The following NEBL variants were observed in gnomAD, a reference collection of about 807,000 sequenced individuals.
The protein encoded by NEBL is nebulette.
A neutral mutation model predicts 140.2 loss-of-function variants in NEBL; 122 were observed. That is an observed-to-expected ratio of 0.87 (90% confidence interval 0.75 to 1.01). The LOEUF (loss-of-function observed/expected upper bound fraction) is 1.01. Among genes scored for constraint, NEBL ranks in the 50% least tolerant of loss-of-function variants. NEBL has a pLI of 0.00. For synonymous variants in NEBL, 436 were observed against 398.9 expected, an observed-to-expected ratio of 1.09 and a Z score of -1.11; for missense variants, 1,365 against 1,231.3, an observed-to-expected ratio of 1.11 and a Z score of -1.62.
Position 20,850,455 on chromosome 10 carries a change from A to G in NEBL, c.1056T>C (p.Leu352=), listed in dbSNP as rs1842396806. 1 of 1,612,398 alleles carries G rather than the reference A, an allele frequency of 6.2e-7. No homozygotes were observed. Among genetic ancestry groups the G allele is most frequent in the African/African-American group, 1.3e-5 (1 of 75,016 alleles). Residue 352 remains leucine (L), a synonymous_variant, in exon 11 of 28, where the codon CTT becomes CTC. Coordinates refer to ENST00000377122, the MANE Select transcript of NEBL (RefSeq NM_006393.3). ...GATATGATGGTGTCTCAACAAATTC[A>G]AGCATTGGCTTTCCCTTATTTTTCT... is the stretch of plus-strand genomic sequence containing the variant. ...EYEKNKGKPM[L]EFVETPSYQA...
intron 2 of NEBL, among the ~76,000 whole-genome samples, chr10:21,127,248 C>T (rs999557338): frequency 1.3e-4 from 19 of 151,986 alleles, no homozygotes; most frequent in South Asian, 6.2e-4. Flanking sequence ...TTTTTCTTTT[C>T]AAACTATATT....
intron 10 of NEBL, 43 bp downstream of exon 10, chr10:20,852,502 G>A (rs1842643759): frequency 1.4e-6 from 2 of 1,392,826 alleles, no homozygotes; most frequent in Non-Finnish European, 1.0e-6. Flanking sequence ...ATGGTTACGG[G>A]TTGCTGGCAG....
chr10:20,963,006 AC>A (rs1564463992), intron 3 of NEBL, among the ~76,000 whole-genome samples: 6 of 14,078 alleles, frequency 4.3e-4, no homozygotes, highest in South Asian at 6.5e-3. Context: ...AAAGAAAAAC[AC>A]ACACACACAC....
chr10:21,262,725 A>G (rs548096604), intron 1 of NEBL, among the ~76,000 whole-genome samples: 108 of 152,246 alleles, frequency 7.1e-4, no homozygotes, highest in Admixed American at 4.5e-3. Context: ...TCCGGCCCCA[A>G]GGCTGGGGCT....
chr10:20,924,414 A>G (rs1010666037), intron 4 of NEBL, among the ~76,000 whole-genome samples: 9 of 24,878 alleles, frequency 3.6e-4, no homozygotes, highest in Non-Finnish European at 6.7e-4. Context: ...GGCATGAAGT[A>G]AAAAAAAAAA....
In NEBL at chr10:21,100,997, T is replaced by C. The variant is rs537302753; in HGVS notation, c.164+71386A>G. Among the ~76,000 whole-genome samples the C allele has an allele frequency of 3.3e-5, 5 of 152,316 alleles. No homozygotes were observed. The East Asian group carries it at 9.7e-4, about 29-fold the overall frequency. On this transcript the variant is annotated intron_variant, in intron 2 of 6. Coordinates refer to the NEBL transcript ENST00000417816. ...CTTTCACGGGAACATTTTGTGGCTT[T>C]TTTTGGAAGGAAATACTCACCAGAA...
chr10:21,073,389 G>T (rs2131910437), intron 2 of NEBL, among the ~76,000 whole-genome samples: 1 of 151,704 alleles, frequency 6.6e-6, no homozygotes, highest in South Asian at 2.1e-4. Flanking sequence ...GGCCAAGGCA[G>T]GTGGATCACT....
At position 20,867,313 on chromosome 10, in the gene NEBL, T is replaced by C. The variant is rs184026492; in HGVS notation, c.684+1351A>G. On this transcript the variant is annotated intron_variant, in intron 7 of 27. Coordinates refer to ENST00000377122, the MANE Select transcript of NEBL (RefSeq NM_006393.3). ...CCAACAGAATAGTACGTCTTTTCATTTGTTCGGGACTTATTTTATGCTCTT... is the reference window on the plus strand; with the variant it reads ...CCAACAGAATAGTACGTCTTTTCATCTGTTCGGGACTTATTTTATGCTCTT... Among the ~76,000 whole-genome samples, 12 of 152,282 alleles carry C rather than the reference T, an allele frequency of 7.9e-5. No individual in the cohort carries two copies. In the East Asian group the frequency reaches 2.1e-3, roughly 27 times the overall value.
intron 4 of NEBL, among the ~76,000 whole-genome samples, chr10:20,953,953 A>C (rs1263246668): frequency 6.6e-6 from 1 of 150,774 alleles, no homozygotes; most frequent in Non-Finnish European, 1.5e-5. Context: ...TTGCTCCACT[A>C]TGGCAGATAT....
chr10:21,064,362 T>C (rs1835437521), intron 2 of NEBL, among the ~76,000 whole-genome samples: 2 of 152,202 alleles, frequency 1.3e-5, no homozygotes, highest in Non-Finnish European at 2.9e-5. Flanking sequence ...TTTTATCTAG[T>C]GAGGGTGTTG....
chr10:21,097,615 A>G (rs1191363663), intron 2 of NEBL, among the ~76,000 whole-genome samples: 2 of 152,178 alleles, frequency 1.3e-5, no homozygotes, highest in African/African-American at 4.8e-5. Flanking sequence ...TTACATCATT[A>G]CCCACAAAAG....
intron 3 of NEBL, among the ~76,000 whole-genome samples, chr10:21,009,990 C>A (rs1235198497): frequency 1.3e-5 from 2 of 152,102 alleles, no homozygotes; most frequent in African/African-American, 4.8e-5. Flanking sequence ...TTTCTGAATT[C>A]TATATTGTCC....
chr10:21,099,105 C>T (rs1012229082), intron 2 of NEBL, among the ~76,000 whole-genome samples: 1 of 152,196 alleles, frequency 6.6e-6, no homozygotes, highest in Non-Finnish European at 1.5e-5. Flanking sequence ...TGCACTCCAG[C>T]CTGGGTAACA....
intron 4 of NEBL, among the ~76,000 whole-genome samples, chr10:20,915,253 T>G (rs1251941451): frequency 6.6e-6 from 1 of 152,068 alleles, no homozygotes; most frequent in Non-Finnish European, 1.5e-5. Context: ...TTGAAATTTT[T>G]TTTATATTAT....
chr10:21,228,220 C>G (rs1346879948), intron 3 of NEBL, among the ~76,000 whole-genome samples: 1 of 151,880 alleles, frequency 6.6e-6, no homozygotes. Context: ...GTGGGGCAAT[C>G]ACGACTCACT....
intron 3 of NEBL, among the ~76,000 whole-genome samples, chr10:21,005,920 A>AC (rs1838119733): frequency 6.6e-6 from 1 of 151,844 alleles, no homozygotes; most frequent in South Asian, 2.1e-4. Context: ...AATGTTAGTA[A>AC]CCTGGAATAT....
At chr10:20,881,036 C>G (rs1845969370) in intron 4 of NEBL, 132 bp from the exon 5 acceptor site, 1 of 725,614 alleles carries the variant, frequency 1.4e-6, no homozygotes, top group Non-Finnish European at 2.5e-6. Context: ...ATCTCTGTAA[C>G]AAGACAATAT....
chr10:21,054,666 T>C (rs1450481349), intron 2 of NEBL, among the ~76,000 whole-genome samples: 1 of 152,242 alleles, frequency 6.6e-6, no homozygotes, highest in African/African-American at 2.4e-5. Flanking sequence ...AATGTATTTT[T>C]TCCAAACTGT....
intron 3 of NEBL, among the ~76,000 whole-genome samples, chr10:21,001,400 G>C (rs1240877356): frequency 1.3e-5 from 2 of 152,106 alleles, no homozygotes; most frequent in African/African-American, 4.8e-5. Context: ...CTATCAGAAA[G>C]ATTTTTCCAA....
Sources: allele counts gnomAD v4.1 joint callset (sites outside exome capture counted in the v4.1 genomes callset), GRCh38; gene constraint gnomAD v4.1.1; transcripts MANE v1.5; gene names NCBI Gene and HGNC (gene_info 2026-07-23, HGNC 2026-07-21).